The following RGPD2 variants were observed in gnomAD, a reference collection of about 807,000 sequenced individuals.
The protein encoded by RGPD2 is RANBP2-like and GRIP domain-containing protein 2.
Under a neutral mutation model 36.0 loss-of-function variants are expected in RGPD2, and 2 were observed. The ratio of observed to expected loss-of-function variants is 0.06; its 90% confidence interval spans 0.02 to 0.17. The LOEUF is 0.17. Ranked by LOEUF, RGPD2 falls within the 10% of genes least tolerant of loss-of-function variation. The probability of loss-of-function intolerance (pLI) is 1.00; values close to 1 mark genes in which losing one functional copy is unlikely to be tolerated. For synonymous variants in RGPD2, 19 were observed against 163.8 expected, an observed-to-expected ratio of 0.12 and a Z score of 6.75; for missense variants, 40 against 464.3, an observed-to-expected ratio of 0.09 and a Z score of 8.40.
At chr2:87,937,478 C>G in the RGPD2 span, among the ~76,000 whole-genome samples, 1 of 151,678 alleles carries the variant, frequency 6.6e-6, no homozygotes. Context: ...CTGGTGAAGC[C>G]TCAGGAAACT....
At chr2:87,798,879 AAAG>A (rs1353963813) in intron 8 of RGPD2, among the ~76,000 whole-genome samples, 1 of 122,712 alleles carries the variant, frequency 8.1e-6, no homozygotes, top group African/African-American at 2.8e-5. Flanking sequence ...AAAAAAAAAA[AAAG>A]AATTATTTCC....
At chr2:87,948,069 C>T in the RGPD2 span, among the ~76,000 whole-genome samples, 2 of 152,330 alleles carry the variant, frequency 1.3e-5, no homozygotes, top group East Asian at 1.9e-4. Context: ...TAGGCAAGAA[C>T]CTTAAGCGTT....
chr2:87,984,295 C>T, the RGPD2 span, among the ~76,000 whole-genome samples: 4 of 152,140 alleles, frequency 2.6e-5, no homozygotes, highest in Non-Finnish European at 5.9e-5. Flanking sequence ...TACTTGACCT[C>T]ACAGTTTCTC....
the RGPD2 span, among the ~76,000 whole-genome samples, chr2:87,980,444 C>T: frequency 3.0e-5 from 2 of 65,816 alleles, no homozygotes; most frequent in Admixed American, 2.0e-4. Context: ...AAGGTAAATG[C>T]TGTCATTTCA....
At chr2:87,872,662 T>A in the RGPD2 span, among the ~76,000 whole-genome samples, 284 of 151,678 alleles carry the variant, frequency 1.9e-3, no homozygotes, top group African/African-American at 6.5e-3. Context: ...TTTTGCCTGA[T>A]GCTCTCACTC....
the RGPD2 span, among the ~76,000 whole-genome samples, chr2:87,985,082 C>G: frequency 3.2e-5 from 4 of 126,412 alleles, no homozygotes; most frequent in Non-Finnish European, 6.7e-5. Context: ...ATCTCCAAAG[C>G]TAGAAGGAGA....
chr2:87,827,319 TTG>T (rs1686844904), upstream of RGPD2, among the ~76,000 whole-genome samples: 1 of 152,292 alleles, frequency 6.6e-6, no homozygotes, highest in Non-Finnish European at 1.5e-5. Context: ...TTATATCTTA[TTG>T]TATGGCAGAA....
chr2:87,827,399 T>TCTCA (rs1574035537), upstream of RGPD2, among the ~76,000 whole-genome samples: 2 of 151,460 alleles, frequency 1.3e-5, no homozygotes, highest in East Asian at 3.9e-4. Context: ...ATTCCAACTT[T>TCTCA]CTCACTTTCA....
chr2:87,882,636 T>C, the RGPD2 span, among the ~76,000 whole-genome samples: 3 of 152,266 alleles, frequency 2.0e-5, no homozygotes, highest in Non-Finnish European at 2.9e-5. Context: ...AAAATTCCCA[T>C]TGGAATTTTG....
the RGPD2 span, among the ~76,000 whole-genome samples, chr2:87,922,064 C>T: frequency 5.3e-5 from 8 of 151,362 alleles, no homozygotes; most frequent in South Asian, 2.1e-4. Context: ...GAGGCTGAGG[C>T]GGGCGGATCA....
chr2:87,894,537 T>C, the RGPD2 span, among the ~76,000 whole-genome samples: 101 of 152,000 alleles, frequency 6.6e-4, no homozygotes, highest in African/African-American at 2.2e-3. Flanking sequence ...CTGTGTTATC[T>C]TTTTTGTATA....
At chr2:87,847,109 A>C in the RGPD2 span, among the ~76,000 whole-genome samples, 1 of 152,236 alleles carries the variant, frequency 6.6e-6, no homozygotes, top group Non-Finnish European at 1.5e-5. Context: ...GAAATTTATC[A>C]ACTGAATTTT....
chr2:87,874,019 G>A, the RGPD2 span, among the ~76,000 whole-genome samples: 4 of 151,632 alleles, frequency 2.6e-5, no homozygotes, highest in African/African-American at 9.7e-5. Flanking sequence ...TTGGCCATAT[G>A]AATGTCTTCT....
intron 6 of RGPD2, among the ~76,000 whole-genome samples, chr2:87,809,534 TG>T (rs1686082788): frequency 1.5e-5 from 2 of 137,484 alleles, no homozygotes; most frequent in Admixed American, 7.5e-5. Context: ...CCGAGCGTGG[TG>T]GTGGGCGCCT....
At chr2:87,960,223 A>G in the RGPD2 span, among the ~76,000 whole-genome samples, 2 of 151,440 alleles carry the variant, frequency 1.3e-5, no homozygotes, top group Admixed American at 1.3e-4. Context: ...GCCCATTATT[A>G]TTAGTCCATT....
At chr2:87,866,909 A>G in the RGPD2 span, among the ~76,000 whole-genome samples, 2 of 152,264 alleles carry the variant, frequency 1.3e-5, no homozygotes, top group East Asian at 1.9e-4. Flanking sequence ...TGTCCGAGCC[A>G]GAGGAAGGAT....
intron 22 of RGPD2, among the ~76,000 whole-genome samples, chr2:87,760,816 A>C (rs1318408305): frequency 7.1e-5 from 9 of 126,878 alleles, no homozygotes; most frequent in African/African-American, 2.6e-4. Flanking sequence ...ACAGGGTTTC[A>C]CCGTGTTAGC....
the RGPD2 span, among the ~76,000 whole-genome samples, chr2:87,888,404 C>T: frequency 7.1e-6 from 1 of 140,698 alleles, no homozygotes; most frequent in African/African-American, 2.6e-5. Flanking sequence ...GGATTTAGGG[C>T]CAAGATTTTA....
chr2:87,824,714 G>C (rs1244223770), intron 1 of RGPD2, among the ~76,000 whole-genome samples: 13 of 78,536 alleles, frequency 1.7e-4, no homozygotes, highest in East Asian at 5.5e-4. Flanking sequence ...CCGAGGCCGA[G>C]GCCGCCGCCG....
Sources: gnomAD v4.1 joint callset for allele counts (sites outside exome capture counted in the v4.1 genomes callset) on GRCh38, gnomAD v4.1.1 for gene constraint, MANE v1.5 for transcripts, NCBI Gene and HGNC (gene_info 2026-07-23, HGNC 2026-07-21) for gene names.